ERBB4: variants seen among roughly 807,000 people sequenced by gnomAD.
The protein encoded by ERBB4 is erb-b2 receptor tyrosine kinase 4.
ERBB4 carries 42 observed loss-of-function variants against 158.0 expected under a neutral mutation model. That is an observed-to-expected ratio of 0.27 (90% confidence interval 0.21 to 0.34). The LOEUF is 0.34. Ranked by LOEUF, ERBB4 falls within the 10% of genes least tolerant of loss-of-function variation. The pLI, the probability that ERBB4 is intolerant of heterozygous loss-of-function variation, is 1.00. For missense variants in ERBB4, 1,333 were observed against 1,624.1 expected, an observed-to-expected ratio of 0.82 and a Z score of 3.08; for synonymous variants, 583 against 558.7, an observed-to-expected ratio of 1.04 and a Z score of -0.61.
intron 1 of ERBB4, among the ~76,000 whole-genome samples, chr2:212,330,212 G>A (rs1317787762): frequency 9.5e-6 from 1 of 104,904 alleles, no homozygotes; most frequent in Non-Finnish European, 2.0e-5. Context: ...GGGTTGTGCT[G>A]TATCTGTGTT....
chr2:212,395,570 C>T (rs2090999752), intron 1 of ERBB4, among the ~76,000 whole-genome samples: 1 of 148,994 alleles, frequency 6.7e-6, no homozygotes, highest in Non-Finnish European at 1.5e-5. Flanking sequence ...GCATCTTTGG[C>T]TTGGGAGTAT....
intron 1 of ERBB4, among the ~76,000 whole-genome samples, chr2:212,495,617 T>G (rs923043177): frequency 2.0e-5 from 3 of 152,172 alleles, no homozygotes; most frequent in African/African-American, 7.2e-5. Flanking sequence ...GCGAGGCACG[T>G]GCTATGTCTC....
intron 1 of ERBB4, among the ~76,000 whole-genome samples, chr2:212,461,855 T>A (rs1688593391): frequency 6.6e-6 from 1 of 152,028 alleles, no homozygotes; most frequent in Admixed American, 6.6e-5. Context: ...ATAAGTCTCA[T>A]GAGATCTGAT....
intron 1 of ERBB4, among the ~76,000 whole-genome samples, chr2:212,524,599 A>G (rs1041187783): frequency 2.0e-5 from 3 of 151,902 alleles, no homozygotes; most frequent in Non-Finnish European, 4.4e-5. Context: ...TACATGGGTG[A>G]TTTTCTCCTA....
chr2:211,920,975 CA>C (rs1472955053), intron 3 of ERBB4, among the ~76,000 whole-genome samples: 1 of 151,818 alleles, frequency 6.6e-6, no homozygotes. Context: ...ACAATCTACA[CA>C]AATGTATATT....
chr2:212,364,538 C>T (rs1413361451), intron 1 of ERBB4, among the ~76,000 whole-genome samples: 1 of 151,716 alleles, frequency 6.6e-6, no homozygotes, highest in Non-Finnish European at 1.5e-5. Flanking sequence ...TTTTCCCCCT[C>T]TAAAATGTAA....
rs187091700 is a variant in ERBB4, at chr2:212,018,338, G to A, written c.235-70722C>T. Among the ~76,000 whole-genome samples, 15 of 152,250 alleles carry A rather than the reference G, an allele frequency of 9.9e-5. 1 individual carries two copies. The highest frequency in any genetic ancestry group is 3.4e-4 in the African/African-American group (14 of 41,564). On this transcript the variant is annotated intron_variant, in intron 2 of 27. Transcript: ENST00000342788. ...AGCTATCCTGTTTCTATTTTGGATA[G>A]CCCGGAGTGCTCCATTTCCCAGTAT...
chr2:211,513,542 C>G (rs1236574367), intron 20 of ERBB4, among the ~76,000 whole-genome samples: 1 of 151,986 alleles, frequency 6.6e-6, no homozygotes, highest in African/African-American at 2.4e-5. Flanking sequence ...TGATTCAATT[C>G]TATTAAATTT....
intron 2 of ERBB4, among the ~76,000 whole-genome samples, chr2:212,038,823 T>C (rs1238794170): frequency 6.6e-6 from 1 of 152,114 alleles, no homozygotes; most frequent in Non-Finnish European, 1.5e-5. Context: ...AGGAAATGCC[T>C]TTTCTTAAAG....
chr2:211,995,601 T>C (rs2082182622), intron 2 of ERBB4, among the ~76,000 whole-genome samples: 1 of 152,092 alleles, frequency 6.6e-6, no homozygotes, highest in Non-Finnish European at 1.5e-5. Context: ...TTCTATATTC[T>C]CTCTCAAATT....
chr2:212,023,900 AAAAACTTACACAC>A (rs1226986194), intron 2 of ERBB4, among the ~76,000 whole-genome samples: 1 of 151,754 alleles, frequency 6.6e-6, no homozygotes, highest in Non-Finnish European at 1.5e-5. Context: ...AATATACAAC[AAAAACTTACACAC>A]AAAATATTGG....
At chr2:211,595,797 A>G (rs753816265) in intron 19 of ERBB4, among the ~76,000 whole-genome samples, 4 of 152,184 alleles carry the variant, frequency 2.6e-5, no homozygotes, top group Non-Finnish European at 5.9e-5. Context: ...AATCATGCAG[A>G]TATGAAAGGG....
intron 16 of ERBB4, among the ~76,000 whole-genome samples, chr2:211,647,541 AC>A (rs1370961486): frequency 6.6e-6 from 1 of 151,616 alleles, no homozygotes; most frequent in Non-Finnish European, 1.5e-5. Context: ...AGTTAATGTT[AC>A]CCCCATCCAT....
At chr2:212,125,038 A>G (rs2079879260) in intron 1 of ERBB4, 135 bp from the exon 2 acceptor site, 1 of 1,031,628 alleles carries the variant, frequency 9.7e-7, no homozygotes, top group East Asian at 2.6e-5. Context: ...ATCGTCATTA[A>G]GAGGCATAGA....
chr2:211,965,468 T>G (rs952679762), intron 2 of ERBB4, among the ~76,000 whole-genome samples: 2 of 152,174 alleles, frequency 1.3e-5, no homozygotes, highest in African/African-American at 2.4e-5. Flanking sequence ...GAATAAATGC[T>G]CTAGTGTTGA....
intron 5 of ERBB4, among the ~76,000 whole-genome samples, chr2:211,732,089 G>T (rs1210656944): frequency 2.0e-5 from 3 of 151,812 alleles, no homozygotes; most frequent in South Asian, 2.1e-4. Context: ...CTGCTCTAAG[G>T]CACTCTCTTA....
intron 3 of ERBB4, among the ~76,000 whole-genome samples, chr2:211,791,280 A>G (rs920947472): frequency 1.3e-5 from 2 of 151,940 alleles, no homozygotes; most frequent in Non-Finnish European, 2.9e-5. Context: ...TAATAAGAGT[A>G]CAAAAATGTC....
chr2:211,898,169 A>G (rs2079148691), intron 3 of ERBB4, among the ~76,000 whole-genome samples: 2 of 152,146 alleles, frequency 1.3e-5, no homozygotes, highest in African/African-American at 2.4e-5. Flanking sequence ...AAGATATTAT[A>G]ATATTTATTT....
chr2:212,363,650 T>TA (rs147634638), intron 1 of ERBB4, among the ~76,000 whole-genome samples: 15,993 of 148,190 alleles, frequency 0.11, 911 homozygotes, highest in African/African-American at 0.13. Flanking sequence ...TTGCTTTCAT[T>TA]AAAAAAAAAA....
Sources: gnomAD v4.1 joint callset for allele counts (sites outside exome capture counted in the v4.1 genomes callset) on GRCh38, gnomAD v4.1.1 for gene constraint, MANE v1.5 for transcripts, NCBI Gene and HGNC (gene_info 2026-07-23, HGNC 2026-07-21) for gene names.